The following DCDC1 variants were observed in gnomAD, a reference collection of about 807,000 sequenced individuals.
The protein encoded by DCDC1 is doublecortin domain containing 1.
DCDC1 carries 200 observed loss-of-function variants against 178.3 expected under a neutral mutation model. The ratio of observed to expected loss-of-function variants is 1.12; its 90% CI spans 1.00 to 1.26. The LOEUF is 1.26. DCDC1 is among the 50% of genes most tolerant of loss of function. DCDC1 has a pLI of 0.00. For missense variants in DCDC1, 1,983 were observed against 1,749.2 expected (o/e 1.13, Z -2.38); for synonymous variants, 690 against 604.8 (o/e 1.14, Z -2.07).
At chr11:31,283,794 C>CAA (rs1042248331) in intron 7 of DCDC1, among the ~76,000 whole-genome samples, 2 of 152,114 alleles carry the variant, frequency 1.3e-5, no homozygotes, top group Non-Finnish European at 2.9e-5. Context: ...AATAGTCAGC[C>CAA]AAAGACATGA....
chr11:30,889,232 C>T (rs1038089945), intron 36 of DCDC1, among the ~76,000 whole-genome samples: 2 of 152,070 alleles, frequency 1.3e-5, no homozygotes, highest in African/African-American at 2.4e-5. Context: ...GAGAGAGAGC[C>T]GCCTTGGTGC....
intron 21 of DCDC1, among the ~76,000 whole-genome samples, chr11:30,938,607 C>T (rs1947428451): frequency 6.6e-6 from 1 of 152,112 alleles, no homozygotes; most frequent in South Asian, 2.1e-4. Context: ...GAGCATAACC[C>T]ATCTCTTCTT....
intron 11 of DCDC1, among the ~76,000 whole-genome samples, chr11:31,122,117 A>G (rs1353878474): frequency 1.3e-5 from 2 of 152,082 alleles, no homozygotes; most frequent in African/African-American, 4.8e-5. Context: ...AGGGTTAGCT[A>G]GGTAACTGAT....
intron 1 of DCDC1, among the ~76,000 whole-genome samples, chr11:31,360,816 T>C (rs1951671213): frequency 6.6e-6 from 1 of 151,940 alleles, no homozygotes; most frequent in African/African-American, 2.4e-5. Flanking sequence ...CAGAAAAGAG[T>C]TGAGGGGATT....
intron 36 of DCDC1, among the ~76,000 whole-genome samples, chr11:30,889,956 G>A (rs1198171734): frequency 1.3e-5 from 2 of 152,182 alleles, no homozygotes; most frequent in Admixed American, 1.3e-4. Flanking sequence ...CCATAAGGGT[G>A]GAGCCCTATT....
At chr11:31,310,308 A>ATTTTTTTTTTTTTTTTTTTTTTTTTT (rs11407483) in intron 3 of DCDC1, among the ~76,000 whole-genome samples, 2 of 53,864 alleles carry the variant, frequency 3.7e-5, no homozygotes, top group African/African-American at 8.5e-5. Context: ...GTAATTCTTG[A>ATTTTTTTTTTTTTTTTTTTTTTTTTT]TTTTTTTTTT....
intron 9 of DCDC1, among the ~76,000 whole-genome samples, chr11:31,197,230 C>T (rs549440711): frequency 6.6e-6 from 1 of 152,046 alleles, no homozygotes; most frequent in African/African-American, 2.4e-5. Context: ...AAGCACTACA[C>T]ATTCAACATA....
intron 10 of DCDC1, among the ~76,000 whole-genome samples, chr11:31,131,237 AAAGG>A: frequency 6.6e-6 from 1 of 152,070 alleles, no homozygotes; most frequent in South Asian, 2.1e-4. Flanking sequence ...AAAGAAAAGA[AAAGG>A]AAGGAAGAAA....
At chr11:31,114,236 T>C (rs1959499384) in intron 11 of DCDC1, among the ~76,000 whole-genome samples, 1 of 152,038 alleles carries the variant, frequency 6.6e-6, no homozygotes, top group African/African-American at 2.4e-5. Context: ...AATCACGTGG[T>C]ATAAGAAAGG....
chr11:30,891,240 A>C (rs563279644), intron 36 of DCDC1, among the ~76,000 whole-genome samples: 4 of 152,320 alleles, frequency 2.6e-5, no homozygotes, highest in African/African-American at 9.6e-5. Context: ...ATTTCCACAG[A>C]CATAAATTAG....
At chr11:31,016,452 A>T (rs1952492211) in intron 20 of DCDC1, among the ~76,000 whole-genome samples, 1 of 152,176 alleles carries the variant, frequency 6.6e-6, no homozygotes, top group South Asian at 2.1e-4. Flanking sequence ...GTATGTGGAG[A>T]GGATTGACAT....
chr11:31,200,517 T>C (rs910468664), intron 9 of DCDC1, among the ~76,000 whole-genome samples: 1 of 152,064 alleles, frequency 6.6e-6, no homozygotes, highest in Non-Finnish European at 1.5e-5. Flanking sequence ...TTTGTCACAA[T>C]GGTCAGAAAG....
chr11:30,927,019 C>CCCA (rs1352796383), intron 22 of DCDC1, among the ~76,000 whole-genome samples: 3 of 151,904 alleles, frequency 2.0e-5, no homozygotes, highest in Non-Finnish European at 4.4e-5. Context: ...GCCAGGACAC[C>CCCA]CCACCCCAGG....
chr11:30,887,749 C>T (rs1376664416), intron 36 of DCDC1, among the ~76,000 whole-genome samples: 1 of 152,046 alleles, frequency 6.6e-6, no homozygotes, highest in East Asian at 1.9e-4. Flanking sequence ...GTGGCTCATA[C>T]CTGCAATCCC....
At chr11:30,938,659 T>G (rs1201664777) in intron 21 of DCDC1, among the ~76,000 whole-genome samples, 2 of 152,144 alleles carry the variant, frequency 1.3e-5, no homozygotes, top group Non-Finnish European at 2.9e-5. Flanking sequence ...AATTAAAGCT[T>G]GGCACACCCA....
intron 17 of DCDC1, among the ~76,000 whole-genome samples, chr11:31,082,280 T>C (rs1957225323): frequency 6.6e-6 from 1 of 152,132 alleles, no homozygotes; most frequent in Non-Finnish European, 1.5e-5. Flanking sequence ...TAGTCTCTAG[T>C]GGCCTTGCAA....
At chr11:31,259,134 T>A (rs1306672951) in intron 8 of DCDC1, among the ~76,000 whole-genome samples, 1 of 152,124 alleles carries the variant, frequency 6.6e-6, no homozygotes. Flanking sequence ...GCAGATCACC[T>A]GAGGTCAGGT....
intron 22 of DCDC1, among the ~76,000 whole-genome samples, chr11:30,927,050 G>A (rs993897597): frequency 2.0e-5 from 3 of 152,124 alleles, no homozygotes; most frequent in African/African-American, 4.8e-5. Flanking sequence ...CACTCTTTCA[G>A]TTCTTTCCAA....
chr11:30,877,061 C>T (rs1261520070), intron 38 of DCDC1, among the ~76,000 whole-genome samples: 1 of 152,112 alleles, frequency 6.6e-6, no homozygotes, highest in African/African-American at 2.4e-5. Context: ...TGTAAAAGGG[C>T]AAATTGCTGT....
Sources: gnomAD v4.1 joint callset for allele counts (sites outside exome capture counted in the v4.1 genomes callset) on GRCh38, gnomAD v4.1.1 for gene constraint, MANE v1.5 for transcripts, NCBI Gene and HGNC (gene_info 2026-07-23, HGNC 2026-07-21) for gene names.